The following KIAA1549 variants were observed in gnomAD, a reference collection of about 807,000 sequenced individuals.
The protein encoded by KIAA1549 is UPF0606 protein KIAA1549.
In KIAA1549, 70 loss-of-function variants were observed where a neutral mutation model predicts 156.4. The observed-to-expected ratio is 0.45, with a 90% CI of 0.37 to 0.55. The LOEUF is 0.55. Ranked by LOEUF, KIAA1549 falls within the 20% of genes least tolerant of loss-of-function variation. The pLI, the probability that KIAA1549 is intolerant of heterozygous loss-of-function variation, is 0.00. For missense variants in KIAA1549, 2,428 were observed against 2,540.9 expected, an observed-to-expected ratio of 0.96 and a Z score of 0.96; for synonymous variants, 1,103 against 1,066.4, an observed-to-expected ratio of 1.03 and a Z score of -0.67.
intron 15 of KIAA1549, among the ~76,000 whole-genome samples, chr7:138,863,832 G>A (rs531619724): frequency 2.6e-4 from 40 of 152,164 alleles, no homozygotes; most frequent in Non-Finnish European, 4.6e-4. Flanking sequence ...TCCCACTGGA[G>A]GTTCTACTAA....
chr7:138,954,217 G>C (rs1813590873), intron 1 of KIAA1549, among the ~76,000 whole-genome samples: 1 of 152,162 alleles, frequency 6.6e-6, no homozygotes, highest in Non-Finnish European at 1.5e-5. Context: ...AATTCTATTG[G>C]TAAAAATAAG....
chr7:138,873,972 CATATT>C lies in KIAA1549; in HGVS notation c.4346-2615_4346-2611del, dbSNP rs952030649. Among the ~76,000 whole-genome samples the C allele has an allele frequency of 2.2e-4, 32 of 146,792 alleles. No homozygotes were observed. The South Asian group carries it at 5.9e-3, about 27-fold the overall frequency. On this transcript the variant is annotated intron_variant, in intron 12 of 19. Coordinates refer to ENST00000422774, the MANE Select transcript of KIAA1549 (RefSeq NM_001164665.2). ...ATATATATTATATAATTATATCACA[CATATT>C]ATATATTAGTATATATTTTTGTTTA... is the stretch of plus-strand genomic sequence containing the variant.
In KIAA1549 at chr7:138,833,538, T is replaced by C. The variant is rs948105277; in HGVS notation, c.*4368A>G. 1.3e-5 allele frequency: 3 copies of C among 232,756 alleles called. No individual in the cohort carries two copies. In the East Asian group the frequency reaches 1.8e-4, roughly 14 times the overall value. The allele number at this position is 232,756 out of a possible 1,614,324, so 14.4% of individuals were successfully genotyped here. ...CACAGTCCGCATGCCAGGAAAGATC[T>C]GGCCGGCAAACACCCACTGCTTAAA... On this transcript the variant is annotated 3_prime_UTR_variant, in exon 20 of 20. Transcript: ENST00000422774.
intron 1 of KIAA1549, among the ~76,000 whole-genome samples, chr7:138,939,374 A>G (rs930391435): frequency 1.3e-5 from 2 of 152,262 alleles, no homozygotes; most frequent in Non-Finnish European, 1.5e-5. Context: ...CTTTTGGTTC[A>G]TGTGTCTCTT....
intron 15 of KIAA1549, among the ~76,000 whole-genome samples, chr7:138,865,811 A>G (rs1356667305): frequency 6.6e-6 from 1 of 152,224 alleles, no homozygotes; most frequent in African/African-American, 2.4e-5. Context: ...GTTCCTCCCC[A>G]TACAAAACTC....
intron 1 of KIAA1549, among the ~76,000 whole-genome samples, chr7:138,963,313 G>A (rs1447878467): frequency 6.6e-6 from 1 of 152,208 alleles, no homozygotes; most frequent in Non-Finnish European, 1.5e-5. Flanking sequence ...TCTGCTGGTG[G>A]GAGGCAGAAG....
chr7:138,902,147 T>C (rs1432949444), intron 8 of KIAA1549, among the ~76,000 whole-genome samples: 2 of 152,318 alleles, frequency 1.3e-5, no homozygotes, highest in African/African-American at 4.8e-5. Flanking sequence ...AGTTTTTAAA[T>C]TTCTCTGTAA....
At chr7:138,958,044 T>A (rs1813721114) in intron 1 of KIAA1549, among the ~76,000 whole-genome samples, 1 of 152,278 alleles carries the variant, frequency 6.6e-6, no homozygotes, top group African/African-American at 2.4e-5. Flanking sequence ...TTTTGAATTT[T>A]CCTTTGACAA....
In KIAA1549 at chr7:138,836,685, A is replaced by T. The variant is rs1314777278; in HGVS notation, c.*1221T>A. The T allele has an allele frequency of 4.6e-6, 1 of 218,400 alleles. No individual in the cohort carries two copies. Among genetic ancestry groups the T allele is most frequent in the Admixed American group, 5.8e-5 (1 of 17,270 alleles). 13.5% of individuals were successfully genotyped at this position (218,400 alleles called of 1,614,324 possible). ...AAGCGAGATGATCCCCTCTTAGCCCAAAGAGCATAAGACAATTTTAATAGC... is the reference window on the plus strand; with the variant it reads ...AAGCGAGATGATCCCCTCTTAGCCCTAAGAGCATAAGACAATTTTAATAGC... On this transcript the variant is annotated 3_prime_UTR_variant, in exon 20 of 20. Transcript: ENST00000422774.
At chr7:138,932,674 T>C (rs1392900791) in intron 1 of KIAA1549, among the ~76,000 whole-genome samples, 1 of 152,160 alleles carries the variant, frequency 6.6e-6, no homozygotes, top group African/African-American at 2.4e-5. Flanking sequence ...TGACAGCGGC[T>C]TAGAGTGGTG....
chr7:138,970,002 T>C (rs1285090239), intron 1 of KIAA1549, among the ~76,000 whole-genome samples: 1 of 152,258 alleles, frequency 6.6e-6, no homozygotes, highest in Non-Finnish European at 1.5e-5. Context: ...TGTTTTTAAA[T>C]GTGCAACTAA....
rs561969482 is a variant in KIAA1549, at chr7:138,869,828, C to T, written c.4552-67G>A. The T allele has an allele frequency of 1.3e-5, 14 of 1,051,152 alleles. No individual in the cohort carries two copies. The Admixed American group carries it at 2.2e-4, about 16-fold the overall frequency. 65.1% of individuals were successfully genotyped at this position (1,051,152 alleles called of 1,614,324 possible). ...CGGGAAGCTTCTGGGACACACACTT[C>T]GCAAAGTCTTTATTTATTTTTATGT... is the stretch of plus-strand genomic sequence containing the variant. On this transcript the variant is annotated intron_variant, in intron 13 of 19. Coordinates refer to ENST00000422774, the MANE Select transcript of KIAA1549 (RefSeq NM_001164665.2).
intron 11 of KIAA1549, among the ~76,000 whole-genome samples, chr7:138,880,635 T>C (rs1354643198): frequency 6.6e-6 from 1 of 152,204 alleles, no homozygotes; most frequent in Non-Finnish European, 1.5e-5. Flanking sequence ...ACAGGAGGCT[T>C]CAGTAGCCAA....
intron 1 of KIAA1549, among the ~76,000 whole-genome samples, chr7:138,923,795 TAAGAC>T: frequency 6.6e-6 from 1 of 152,302 alleles, no homozygotes; most frequent in Non-Finnish European, 1.5e-5. Context: ...GATCAAGAGT[TAAGAC>T]AAAATTCTGT....
In KIAA1549 at chr7:138,831,917, CTGAA is replaced by C. The variant is rs1481570924; in HGVS notation, c.*5985_*5988del. ...ACAAGTCCTCTGGTGCTTAGAGCAA[CTGAA>C]TGAATGGGTGGAGCCTCAGTTCCTC... On this transcript the variant is annotated 3_prime_UTR_variant, in exon 20 of 20. Coordinates refer to ENST00000422774, the MANE Select transcript of KIAA1549 (RefSeq NM_001164665.2). 1 of 232,950 alleles carries C rather than the reference CTGAA, an allele frequency of 4.3e-6. No individual in the cohort carries two copies. Among genetic ancestry groups the C allele is most frequent in the African/African-American group, 2.2e-5 (1 of 45,328 alleles). 14.4% of individuals were successfully genotyped at this position (232,950 alleles called of 1,614,324 possible).
At chr7:138,955,917 G>A (rs533642886) in intron 1 of KIAA1549, among the ~76,000 whole-genome samples, 5 of 152,222 alleles carry the variant, frequency 3.3e-5, no homozygotes, top group Non-Finnish European at 7.4e-5. Context: ...TTTTGAGACG[G>A]AGTCTTGCTT....
chr7:138,861,441 G>A lies in KIAA1549; in HGVS notation c.4945C>T (p.Pro1649Ser), dbSNP rs1422818314. The change falls in exon 16 of 20, where the codon CCA (proline) becomes TCA (serine). Residue 1649 changes from proline (P) to serine (S), a missense_variant. By Grantham distance (74) the Pro-to-Ser change is moderately conservative. Around this residue, in one of 5 missense-constraint regions of KIAA1549, gnomAD observed 404 missense variants for 417.0 expected, o/e 0.97. Transcript: ENST00000422774. ...GAGGATGGTGTCTGCACATCGGCTG[G>A]GAGGTCAGGATCCGACTACAATGAG... The part of the protein sequence containing the change: ...YIGCPSDPDL[P>S]ADVQTPSSVE... 3 of 1,610,346 alleles carry A rather than the reference G, an allele frequency of 1.9e-6. No homozygotes were observed. The highest frequency in any genetic ancestry group is 1.7e-6 in the Non-Finnish European group (2 of 1,178,302).
chr7:138,879,769 G>A lies in KIAA1549; in HGVS notation c.4230-116C>T, dbSNP rs567860775. ...CAGGCAAAACCAGCAGAAATGAAAC[G>A]GTCCAAAAAATTATTCCATAGCACA... On this transcript the variant is annotated intron_variant, in intron 11 of 19. Coordinates refer to ENST00000422774, the MANE Select transcript of KIAA1549 (RefSeq NM_001164665.2). 9.7e-5 allele frequency: 64 copies of A among 661,472 alleles called. No homozygotes were observed. In the African/African-American group the frequency reaches 1.1e-3, roughly 11 times the overall value. 41.0% of individuals were successfully genotyped at this position (661,472 alleles called of 1,614,324 possible).
chr7:138,846,825 G>A (rs1393217290), intron 17 of KIAA1549, among the ~76,000 whole-genome samples: 1 of 152,166 alleles, frequency 6.6e-6, no homozygotes, highest in African/African-American at 2.4e-5. Context: ...ATTCACAGAT[G>A]TAACCAGTTT....
Sources: gnomAD v4.1 joint callset for allele counts (sites outside exome capture counted in the v4.1 genomes callset) on GRCh38, gnomAD v4.1.1 for gene constraint, gnomAD v4.1.1 regional missense constraint, MANE v1.5 for transcripts, NCBI Gene and HGNC (gene_info 2026-07-23, HGNC 2026-07-21) for gene names.